Variants in DSP observed in about 807,000 individuals in gnomAD.
DSP encodes 250/210 kDa paraneoplastic pemphigus antigen.
A neutral mutation model predicts 290.6 loss-of-function variants in DSP; 114 were observed. The observed-to-expected ratio is 0.39, with a 90% CI of 0.34 to 0.46. DSP has a LOEUF of 0.46. Ranked by LOEUF, DSP falls within the 20% of genes least tolerant of loss-of-function variation. The pLI is 0.99. For missense variants in DSP, 3,230 were observed against 3,495.8 expected, an observed-to-expected ratio of 0.92 and a Z score of 1.92; for synonymous variants, 1,311 against 1,316.4, an observed-to-expected ratio of 1.00 and a Z score of 0.09.
In DSP at chr6:7,584,518, A is replaced by G. The variant is rs1298453887; in HGVS notation, c.7256A>G (p.Asn2419Ser). Residue 2419 changes from asparagine (N) to serine (S), a missense_variant, in exon 24 of 24, where the codon AAC becomes AGC. Coordinates refer to ENST00000379802, the MANE Select transcript of DSP (RefSeq NM_004415.4). The surrounding 1 kb of genome is among the most constrained non-coding windows in gnomAD (Gnocchi z 6.4). ...SDDTKGFFDP[N>S]TEENLTYLQL... ...GATACCAAAGGATTTTTTGACCCCA[A>G]CACTGAAGAAAATCTTACCTATCTG... 1 of 1,614,166 alleles carries G rather than the reference A, an allele frequency of 6.2e-7. No individual in the cohort carries two copies. The highest frequency in any genetic ancestry group is 8.5e-7 in the Non-Finnish European group (1 of 1,180,014).
At chr6:7,556,185 C>T (rs899846436) in intron 2 of DSP, among the ~76,000 whole-genome samples, 31 of 152,014 alleles carry the variant, frequency 2.0e-4, no homozygotes, top group Admixed American at 5.2e-4. Flanking sequence ...TCTTCATGTG[C>T]ACCATCAATT....
At position 7,574,098 on chromosome 6, in the gene DSP, G is replaced by T. The variant is rs1759149428; in HGVS notation, c.2143G>T (p.Asp715Tyr). 1.2e-6 allele frequency: 2 copies of T among 1,613,986 alleles called. No homozygotes were observed. Among genetic ancestry groups the T allele is most frequent in the African/African-American group, 2.7e-5 (2 of 74,916 alleles). Residue 715 changes from aspartate (D) to tyrosine (Y), a missense_variant, in exon 16 of 24, where the codon GAT becomes TAT. Physicochemically the swap from Asp to Tyr is radical, Grantham distance 160. Transcript: ENST00000379802. ...KINELKSVQN[D>Y]SQAIAEVLNQ... ...TCATTTTTGACAGAGTGTGCAGAAT[G>T]ATTCACAAGCAATTGCTGAGGTTCT...
At chr6:7,555,869 C>G (rs900344614) in intron 2 of DSP, 49 bp downstream of exon 2, 7 of 1,552,198 alleles carry the variant, frequency 4.5e-6, no homozygotes, top group Non-Finnish European at 5.3e-6. Context: ...TGGCCACACC[C>G]GACTGTCCTC....
At chr6:7,577,186 A>T (rs1056475957) in intron 20 of DSP, 144 bp downstream of exon 20, 1 of 657,034 alleles carries the variant, frequency 1.5e-6, no homozygotes, top group African/African-American at 1.8e-5. Flanking sequence ...AACCATAAAA[A>T]TTAAAAATCT....
chr6:7,578,640 A>G, intron 22 of DSP, 78 bp downstream of exon 22: 1 of 1,144,242 alleles, frequency 8.7e-7, no homozygotes, highest in Middle Eastern at 2.1e-4. Context: ...ACATTATAAC[A>G]TGGATTTGGA....
Position 7,584,209 on chromosome 6 carries a change from A to G in DSP, c.6947A>G (p.Tyr2316Cys), listed in dbSNP as rs765245807. 2.8e-5 allele frequency: 46 copies of G among 1,614,072 alleles called. No individual in the cohort carries two copies. Among genetic ancestry groups the G allele is most frequent in the Non-Finnish European group, 3.5e-5 (41 of 1,180,048 alleles). ...SNLRLPVEEAYKRGLVGIEFK... is the reference protein window; with the variant it reads ...SNLRLPVEEACKRGLVGIEFK... ...TTGAGGTTACCAGTGGAGGAAGCCT[A>G]CAAGAGAGGTCTGGTGGGCATTGAG... Residue 2316 changes from tyrosine (Y) to cysteine (C), a missense_variant, in exon 24 of 24, where the codon TAC becomes TGC. By Grantham distance (194) the Tyr-to-Cys change is radical. Coordinates refer to ENST00000379802, the MANE Select transcript of DSP (RefSeq NM_004415.4). This position sits in a 1 kb window ranked among gnomAD's most constrained non-coding sequence, Gnocchi z 6.4.
chr6:7,555,874 G>A (rs996896693), intron 2 of DSP, 54 bp downstream of exon 2: 11 of 1,541,618 alleles, frequency 7.1e-6, no homozygotes, highest in South Asian at 1.1e-5. Context: ...ACACCCGACT[G>A]TCCTCTGGTT....
intron 13 of DSP, 150 bp from the exon 14 acceptor site, chr6:7,571,232 TA>T: frequency 2.5e-6 from 2 of 798,212 alleles, no homozygotes; most frequent in Non-Finnish European, 4.3e-6. Context: ...GAACAATGTC[TA>T]AAACCTAAAA....
chr6:7,553,435 G>T (rs536821381), intron 1 of DSP, among the ~76,000 whole-genome samples: 24 of 152,258 alleles, frequency 1.6e-4, no homozygotes, highest in Admixed American at 1.4e-3. Flanking sequence ...ATTTCTTAAT[G>T]TTTCAGAATA....
intron 13 of DSP, 49 bp from the exon 14 acceptor site, chr6:7,571,334 T>C (rs1306996232): frequency 6.2e-7 from 1 of 1,609,146 alleles, no homozygotes; most frequent in Non-Finnish European, 8.5e-7. Flanking sequence ...CTTGATTGCA[T>C]TGTGGGGCAG....
At chr6:7,569,455 CCTT>C (rs1426963786) in intron 12 of DSP, 115 bp downstream of exon 12, 3 of 1,503,716 alleles carry the variant, frequency 2.0e-6, no homozygotes, top group Non-Finnish European at 2.8e-6. Context: ...ATAATAAACA[CCTT>C]CTAAAAAAAG....
Position 7,577,044 on chromosome 6 carries a change from TATGTTGGTTTCATAAAGA to T in DSP, c.2877+11_2877+28del. 1 of 1,603,494 alleles carries T rather than the reference TATGTTGGTTTCATAAAGA, an allele frequency of 6.2e-7. No individual in the cohort carries two copies. The highest frequency in any genetic ancestry group is 8.5e-7 in the Non-Finnish European group (1 of 1,175,088). On this transcript the variant is annotated splice_donor_5th_base_variant and intron_variant, in intron 20 of 23. Coordinates refer to ENST00000379802, the MANE Select transcript of DSP (RefSeq NM_004415.4). ...GAACTTTGCGCCAATTCAATTAAGG[TATGTTGGTTTCATAAAGA>T]ATGTTGGTATTTCACCAAGATTATT...
chr6:7,574,606 C>T (rs748736975), intron 16 of DSP, 51 bp from the exon 17 acceptor site: 8 of 1,612,908 alleles, frequency 5.0e-6, no homozygotes, highest in Admixed American at 1.7e-5. Context: ...CAAATCTTCA[C>T]AGACTAATTA....
Position 7,582,879 on chromosome 6 carries a change from C to A in DSP, c.5617C>A (p.Arg1873Ser). ...GAATCAGTGGAAGACTCAATATTCC[C>A]GCAAGGAGGAGGCTATTAGGAAGAT... ...DLNQWKTQYSRKEEAIRKIES... is the reference protein window; with the variant it reads ...DLNQWKTQYSSKEEAIRKIES... Residue 1873 changes from arginine (R) to serine (S), a missense_variant, in exon 24 of 24, where the codon CGC becomes AGC. Arg to Ser is a moderately radical substitution (Grantham distance 110). Coordinates refer to ENST00000379802, the MANE Select transcript of DSP (RefSeq NM_004415.4). This position sits in a 1 kb window ranked among gnomAD's most constrained non-coding sequence, Gnocchi z 4.2. 1.9e-6 allele frequency: 3 copies of A among 1,613,884 alleles called. No individual in the cohort carries two copies. Among genetic ancestry groups the A allele is most frequent in the Non-Finnish European group, 2.5e-6 (3 of 1,179,988 alleles).
chr6:7,557,259 C>G (rs1758529204), intron 2 of DSP, among the ~76,000 whole-genome samples: 1 of 152,168 alleles, frequency 6.6e-6, no homozygotes, highest in Non-Finnish European at 1.5e-5. Flanking sequence ...AAAAATAGTA[C>G]AAAGGGGTCT....
At chr6:7,543,964 C>T (rs1282785564) in intron 1 of DSP, among the ~76,000 whole-genome samples, 5 of 152,130 alleles carry the variant, frequency 3.3e-5, no homozygotes, top group Non-Finnish European at 5.9e-5. Context: ...AGTATCATCC[C>T]GTGCTCTGTT....
intron 23 of DSP, among the ~76,000 whole-genome samples, chr6:7,581,918 A>C (rs1275139254): frequency 6.6e-6 from 1 of 152,034 alleles, no homozygotes; most frequent in Non-Finnish European, 1.5e-5. Context: ...TTGTAATGAA[A>C]ATTTTCTTAA....
At chr6:7,577,667 G>A in intron 20 of DSP, 112 bp from the exon 21 acceptor site, 1 of 892,432 alleles carries the variant, frequency 1.1e-6, no homozygotes, top group Non-Finnish European at 1.9e-6. Flanking sequence ...AAAGTCTTTG[G>A]AGTGGGCAAT....
At chr6:7,577,354 GT>G (rs1440610267) in intron 20 of DSP, among the ~76,000 whole-genome samples, 1 of 152,100 alleles carries the variant, frequency 6.6e-6, no homozygotes, top group Non-Finnish European at 1.5e-5. Flanking sequence ...TTTGGAGAGA[GT>G]TTCGCTCTTG....
Sources: allele counts gnomAD v4.1 joint callset (sites outside exome capture counted in the v4.1 genomes callset), GRCh38; gene constraint gnomAD v4.1.1; non-coding constraint Gnocchi (gnomAD v3.1); transcripts MANE v1.5; gene names NCBI Gene and HGNC (gene_info 2026-07-23, HGNC 2026-07-21).